KCNJ3: variants seen among roughly 807,000 people sequenced by gnomAD.
The protein encoded by KCNJ3 is G protein-activated inward rectifier potassium channel 1.
Under a neutral mutation model 39.2 loss-of-function variants are expected in KCNJ3, and 4 were observed. That is an observed-to-expected ratio of 0.10 (90% CI 0.05 to 0.23). The LOEUF (loss-of-function observed/expected upper bound fraction) is 0.23, where lower values mean the gene tolerates loss of function less well. KCNJ3 is among the 10% of genes least tolerant of loss of function. The probability of loss-of-function intolerance (pLI) is 1.00; values close to 1 mark genes in which losing one functional copy is unlikely to be tolerated. For missense variants in KCNJ3, 276 were observed against 634.9 expected, an observed-to-expected ratio of 0.43 and a Z score of 6.08; for synonymous variants, 230 against 237.4, an observed-to-expected ratio of 0.97 and a Z score of 0.29.
chr2:154,839,193 G>A (rs969987892), intron 2 of KCNJ3, among the ~76,000 whole-genome samples: 11 of 152,112 alleles, frequency 7.2e-5, no homozygotes, highest in African/African-American at 1.9e-4. Context: ...GAGAACATGC[G>A]GTGTTTGGTT....
chr2:154,726,748 A>G (rs1685363249), intron 2 of KCNJ3, among the ~76,000 whole-genome samples: 1 of 133,964 alleles, frequency 7.5e-6, no homozygotes, highest in African/African-American at 2.7e-5. Flanking sequence ...GATAAAGAAA[A>G]TGTGTATATA....
At chr2:154,785,417 C>T (rs1158744906) in intron 2 of KCNJ3, among the ~76,000 whole-genome samples, 1 of 152,142 alleles carries the variant, frequency 6.6e-6, no homozygotes, top group African/African-American at 2.4e-5. Context: ...GTGTTTGTCC[C>T]TTCCAAAACT....
In KCNJ3 at chr2:154,776,360, C is replaced by A. The variant is rs192354851; in HGVS notation, c.919+66541C>A. 4.6e-5 allele frequency among the ~76,000 whole-genome samples: 7 copies of A among 152,176 alleles called. 1 individual carries two copies. The East Asian group carries it at 1.2e-3, about 25-fold the overall frequency. On this transcript the variant is annotated intron_variant, in intron 2 of 2. Transcript: ENST00000295101. ...TCACAGTTCCCTTTCCCACCCCCAACCCCCATCTGCTAGGAAGTTTAGAAA... is the reference window on the plus strand; with the variant it reads ...TCACAGTTCCCTTTCCCACCCCCAAACCCCATCTGCTAGGAAGTTTAGAAA...
intron 2 of KCNJ3, among the ~76,000 whole-genome samples, chr2:154,756,602 T>C (rs1234052715): frequency 6.6e-6 from 1 of 151,654 alleles, no homozygotes; most frequent in African/African-American, 2.4e-5. Flanking sequence ...CTCCCACTTA[T>C]TAGTGAGAAC....
intron 2 of KCNJ3, among the ~76,000 whole-genome samples, chr2:154,851,268 C>T (rs888403190): frequency 2.0e-5 from 3 of 152,056 alleles, no homozygotes; most frequent in Non-Finnish European, 4.4e-5. Flanking sequence ...TATCTCATAG[C>T]CAGTGACTTT....
intron 2 of KCNJ3, among the ~76,000 whole-genome samples, chr2:154,780,203 G>C (rs928730097): frequency 6.6e-6 from 1 of 152,108 alleles, no homozygotes; most frequent in African/African-American, 2.4e-5. Flanking sequence ...AATGCAGGAG[G>C]CAGCCTGGTA....
chr2:154,817,436 C>T (rs999318694), intron 2 of KCNJ3, among the ~76,000 whole-genome samples: 24 of 152,102 alleles, frequency 1.6e-4, no homozygotes, highest in African/African-American at 5.6e-4. Flanking sequence ...CCCCAGAGAG[C>T]AAGCTGGGCC....
At chr2:154,853,123 A>ACCAT (rs1277032875) in intron 2 of KCNJ3, among the ~76,000 whole-genome samples, 2 of 151,584 alleles carry the variant, frequency 1.3e-5, no homozygotes, top group African/African-American at 4.8e-5. Context: ...TCTCAACAGG[A>ACCAT]CCATATTGAG....
chr2:154,719,182 T>C (rs1685228192), intron 2 of KCNJ3, among the ~76,000 whole-genome samples: 1 of 152,122 alleles, frequency 6.6e-6, no homozygotes, highest in African/African-American at 2.4e-5. Context: ...AAATGTGCAT[T>C]TTTAAAAAAC....
At chr2:154,754,521 C>T (rs1472730812) in intron 2 of KCNJ3, among the ~76,000 whole-genome samples, 1 of 152,190 alleles carries the variant, frequency 6.6e-6, no homozygotes, top group African/African-American at 2.4e-5. Context: ...GCAATCCACC[C>T]GCCTTGGCCT....
chr2:154,818,421 T>C (rs960036075), intron 2 of KCNJ3, among the ~76,000 whole-genome samples: 48 of 152,192 alleles, frequency 3.2e-4, no homozygotes, highest in African/African-American at 1.1e-3. Flanking sequence ...AAACATCTAC[T>C]TCTCCATCTG....
At chr2:154,818,033 GA>G (rs1194946661) in intron 2 of KCNJ3, among the ~76,000 whole-genome samples, 12 of 152,006 alleles carry the variant, frequency 7.9e-5, no homozygotes, top group Middle Eastern at 3.4e-3. Context: ...GTTCTTATAT[GA>G]AAATCATGAG....
chr2:154,836,428 GT>G (rs201373171), intron 2 of KCNJ3, among the ~76,000 whole-genome samples: 7 of 150,000 alleles, frequency 4.7e-5, no homozygotes, highest in East Asian at 1.9e-4. Context: ...GTGATTTTCT[GT>G]TTTTTTTTCT....
intron 2 of KCNJ3, among the ~76,000 whole-genome samples, chr2:154,735,274 C>CTTTTTTTTTTTTTTTTTTTTTTTTT (rs11315316): frequency 7.0e-6 from 1 of 143,240 alleles, no homozygotes; most frequent in South Asian, 2.2e-4. Context: ...TTCTTTCTTT[C>CTTTTTTTTTTTTTTTTTTTTTTTTT]TTTTTTTTTT....
intron 2 of KCNJ3, among the ~76,000 whole-genome samples, chr2:154,837,677 A>G (rs1687494090): frequency 6.6e-6 from 1 of 152,156 alleles, no homozygotes; most frequent in East Asian, 1.9e-4. Context: ...AATGCTGGGT[A>G]AGGAGATGGA....
intron 2 of KCNJ3, among the ~76,000 whole-genome samples, chr2:154,728,564 A>G (rs1685398630): frequency 6.6e-6 from 1 of 152,188 alleles, no homozygotes; most frequent in South Asian, 2.1e-4. Context: ...CAAATCTGCC[A>G]CCTTTAGTGA....
intron 2 of KCNJ3, among the ~76,000 whole-genome samples, chr2:154,831,452 G>A (rs1023689455): frequency 1.3e-5 from 2 of 152,102 alleles, no homozygotes; most frequent in African/African-American, 2.4e-5. Context: ...GAAGAAGGGC[G>A]ATTATGAGGA....
chr2:154,731,854 A>G (rs1438973881), intron 2 of KCNJ3, among the ~76,000 whole-genome samples: 2 of 151,996 alleles, frequency 1.3e-5, no homozygotes, highest in African/African-American at 2.4e-5. Context: ...AAATGAAAAT[A>G]ATTCATTTCA....
At chr2:154,713,581 A>C (rs1349751223) in intron 2 of KCNJ3, among the ~76,000 whole-genome samples, 1 of 152,056 alleles carries the variant, frequency 6.6e-6, no homozygotes, top group African/African-American at 2.4e-5. Context: ...ACTTTTTTGG[A>C]AGTACTCCTC....
Sources: gnomAD v4.1 joint callset for allele counts (sites outside exome capture counted in the v4.1 genomes callset) on GRCh38, gnomAD v4.1.1 for gene constraint, MANE v1.5 for transcripts, NCBI Gene and HGNC (gene_info 2026-07-23, HGNC 2026-07-21) for gene names.